The following TBL1X variants were observed in gnomAD, a reference collection of about 807,000 sequenced individuals.
The protein encoded by TBL1X is F-box-like/WD repeat-containing protein TBL1X.
In TBL1X, 10 loss-of-function variants were observed where a neutral mutation model predicts 50.7. The ratio of observed to expected loss-of-function variants is 0.20; its 90% CI spans 0.12 to 0.33. The LOEUF (loss-of-function observed/expected upper bound fraction) is 0.33. Ranked by LOEUF, TBL1X falls within the 10% of genes least tolerant of loss-of-function variation. The pLI is 1.00. For synonymous variants in TBL1X, 190 were observed against 214.7 expected (o/e 0.88, Z 1.01); for missense variants, 340 against 504.4 (o/e 0.67, Z 3.12).
intron 2 of TBL1X, among the ~76,000 whole-genome samples, chrX:9,544,898 A>G (rs939503017): frequency 1.8e-5 from 2 of 110,926 alleles, no homozygotes; most frequent in Admixed American, 9.6e-5. Context: ...AACGGACTTA[A>G]TTGGGTATTT....
intron 2 of TBL1X, among the ~76,000 whole-genome samples, chrX:9,634,671 T>C (rs2082737239): frequency 9.0e-6 from 1 of 111,069 alleles, no homozygotes; most frequent in African/African-American, 3.3e-5. Context: ...TTAATAACTT[T>C]ATGTAACCCG....
At chrX:9,620,473 TGAC>T (rs1328012310) in intron 2 of TBL1X, among the ~76,000 whole-genome samples, 1 of 112,366 alleles carries the variant, frequency 8.9e-6, no homozygotes, top group Non-Finnish European at 1.9e-5. Flanking sequence ...AATAATCTGA[TGAC>T]AGTAACACAT....
chrX:9,673,221 C>G (rs2082970762), intron 5 of TBL1X, among the ~76,000 whole-genome samples: 1 of 112,374 alleles, frequency 8.9e-6, no homozygotes, highest in Non-Finnish European at 1.9e-5. Flanking sequence ...GGATTGTGTT[C>G]AAACATTTTT....
chrX:9,649,566 GT>G (rs2082822638), intron 3 of TBL1X, among the ~76,000 whole-genome samples: 1 of 112,064 alleles, frequency 8.9e-6, no homozygotes, highest in Admixed American at 9.5e-5. Flanking sequence ...AGTTTTTCTA[GT>G]TGGAAGAAAG....
chrX:9,564,576 T>C (rs2082339437), intron 2 of TBL1X, among the ~76,000 whole-genome samples: 1 of 109,809 alleles, frequency 9.1e-6, no homozygotes, highest in African/African-American at 3.3e-5. Context: ...CTACTAAAAA[T>C]ACAAAAATTA....
chrX:9,513,873 C>CAAAG (rs1361052082), intron 2 of TBL1X, among the ~76,000 whole-genome samples: 2 of 108,331 alleles, frequency 1.8e-5, no homozygotes, highest in African/African-American at 6.7e-5. Flanking sequence ...TAGCAGAAGG[C>CAAAG]AAAGGGAGAG....
At chrX:9,594,900 T>A (rs958722271) in intron 2 of TBL1X, among the ~76,000 whole-genome samples, 4 of 112,244 alleles carry the variant, frequency 3.6e-5, no homozygotes, top group African/African-American at 1.3e-4. Context: ...TCTTGGTTTA[T>A]CCTTCATCCC....
At chrX:9,670,651 A>G (rs1381057127) in intron 5 of TBL1X, among the ~76,000 whole-genome samples, 3 of 112,322 alleles carry the variant, frequency 2.7e-5, no homozygotes, top group Non-Finnish European at 3.8e-5. Flanking sequence ...GCAGCTGACA[A>G]ATTACTCTGT....
chrX:9,518,563 G>A (rs762874154), intron 2 of TBL1X, among the ~76,000 whole-genome samples: 5 of 111,982 alleles, frequency 4.5e-5, no homozygotes, highest in African/African-American at 9.7e-5. Context: ...GGATTGGAAG[G>A]GATTGTTGCT....
chrX:9,539,809 C>T (rs960217742), intron 2 of TBL1X, among the ~76,000 whole-genome samples: 1 of 112,144 alleles, frequency 8.9e-6, no homozygotes, highest in Admixed American at 9.5e-5. Flanking sequence ...CATCTTCCCA[C>T]TCCACCCCCT....
At chrX:9,650,756 T>C (rs1232255055) in intron 3 of TBL1X, among the ~76,000 whole-genome samples, 1 of 111,837 alleles carries the variant, frequency 8.9e-6, no homozygotes, top group East Asian at 2.8e-4. Context: ...AAACACTCAC[T>C]GGCTCACAGA....
At chrX:9,693,241 C>G in intron 10 of TBL1X, 29 bp downstream of exon 10, 1 of 1,210,076 alleles carries the variant, frequency 8.3e-7, no homozygotes, top group Non-Finnish European at 1.1e-6. Flanking sequence ...GTGCTGGGGT[C>G]GGGTAAGAGG....
In TBL1X at chrX:9,594,406, T is replaced by C. The variant is rs137941421; in HGVS notation, c.-130-45867T>C. On this transcript the variant is annotated intron_variant, in intron 2 of 17. Coordinates refer to ENST00000645353, the MANE Select transcript of TBL1X (RefSeq NM_005647.4). ...TTCTCAGGATTTCTAGGAGAATAAA[T>C]AGCCATAACTTGATAGGATTGGTAT... Among the ~76,000 whole-genome samples, 443 of 112,334 alleles carry C rather than the reference T, an allele frequency of 3.9e-3. 1 individual carries two copies. The highest frequency in any genetic ancestry group is 0.014 in the African/African-American group (419 of 30,909).
intron 1 of TBL1X, among the ~76,000 whole-genome samples, chrX:9,499,540 G>C (rs1226344335): frequency 1.8e-5 from 2 of 112,417 alleles, no homozygotes; most frequent in South Asian, 7.4e-4. Flanking sequence ...TGCTGGTCAA[G>C]GGGGCCATCC....
intron 2 of TBL1X, among the ~76,000 whole-genome samples, chrX:9,555,100 G>A (rs763056358): frequency 1.4e-4 from 16 of 111,392 alleles, no homozygotes; most frequent in Non-Finnish European, 2.4e-4. Flanking sequence ...TTTAGAAACA[G>A]GGTCTTGCTC....
intron 2 of TBL1X, among the ~76,000 whole-genome samples, chrX:9,553,860 G>A (rs927198952): frequency 3.6e-5 from 4 of 111,670 alleles, no homozygotes; most frequent in Non-Finnish European, 7.5e-5. Context: ...TAGAGGGTAA[G>A]TTACATACAT....
chrX:9,583,447 C>T (rs1260694698), intron 2 of TBL1X, among the ~76,000 whole-genome samples: 1 of 112,148 alleles, frequency 8.9e-6, no homozygotes, highest in African/African-American at 3.2e-5. Context: ...TTCTTTCGTG[C>T]TCATGGGAAT....
At chrX:9,600,258 G>C (rs894999971) in intron 2 of TBL1X, among the ~76,000 whole-genome samples, 4 of 110,074 alleles carry the variant, frequency 3.6e-5, no homozygotes, top group Non-Finnish European at 7.6e-5. Flanking sequence ...TGGCAGTTTT[G>C]GTGTCTGGTG....
chrX:9,688,942 G>A (rs1174410829), intron 7 of TBL1X, among the ~76,000 whole-genome samples: 1 of 113,732 alleles, frequency 8.8e-6, no homozygotes, highest in African/African-American at 3.2e-5. Flanking sequence ...TATGTATGTT[G>A]TACATGTGTA....
Sources: allele counts gnomAD v4.1 joint callset (sites outside exome capture counted in the v4.1 genomes callset), GRCh38; gene constraint gnomAD v4.1.1; transcripts MANE v1.5; gene names NCBI Gene and HGNC (gene_info 2026-07-23, HGNC 2026-07-21).